Variants in TOP3A observed in about 807,000 individuals in gnomAD.
TOP3A encodes DNA topoisomerase 3-alpha.
In TOP3A, 64 loss-of-function variants were observed where a neutral mutation model predicts 111.3. The ratio of observed to expected loss-of-function variants is 0.57; its 90% CI spans 0.47 to 0.71. The LOEUF is 0.71. TOP3A is among the 30% of genes least tolerant of loss of function. The pLI is 0.00. For missense variants in TOP3A, 1,104 were observed against 1,285.0 expected, an observed-to-expected ratio of 0.86 and a Z score of 2.15; for synonymous variants, 484 against 485.1, an observed-to-expected ratio of 1.00 and a Z score of 0.03.
chr17:18,294,176 C>G (rs1980650576), intron 10 of TOP3A, among the ~76,000 whole-genome samples: 1 of 152,082 alleles, frequency 6.6e-6, no homozygotes, highest in African/African-American at 2.4e-5. Context: ...GCTGAGGAGT[C>G]AAAAGTAAGA....
chr17:18,287,041 C>T (rs1381395876), intron 13 of TOP3A, among the ~76,000 whole-genome samples: 2 of 152,034 alleles, frequency 1.3e-5, no homozygotes. Context: ...ACCTTGGCCT[C>T]CCAAAGTGCT....
chr17:18,279,888 C>T (rs909126772), intron 17 of TOP3A, among the ~76,000 whole-genome samples: 1 of 152,130 alleles, frequency 6.6e-6, no homozygotes, highest in African/African-American at 2.4e-5. Flanking sequence ...CAGTGGCTCA[C>T]ATCTATAATC....
At chr17:18,296,103 G>A (rs1413086957) in intron 9 of TOP3A, among the ~76,000 whole-genome samples, 1 of 152,142 alleles carries the variant, frequency 6.6e-6, no homozygotes, top group African/African-American at 2.4e-5. Flanking sequence ...CTAATACACT[G>A]CTTTAACACA....
chr17:18,280,424 C>T, intron 17 of TOP3A, 112 bp downstream of exon 17: 3 of 1,278,022 alleles, frequency 2.3e-6, no homozygotes, highest in Non-Finnish European at 2.2e-6. Flanking sequence ...CAGCTACGCC[C>T]CTGCAGGGCC....
At chr17:18,305,026 C>G in intron 5 of TOP3A, 86 bp downstream of exon 5, 1 of 1,098,992 alleles carries the variant, frequency 9.1e-7, no homozygotes, top group Non-Finnish European at 1.4e-6. Context: ...AGGACCTCAT[C>G]CGTGGCCCAT....
chr17:18,298,335 AG>A (rs1980984214), intron 9 of TOP3A, among the ~76,000 whole-genome samples: 1 of 127,438 alleles, frequency 7.8e-6, no homozygotes, highest in African/African-American at 3.4e-5. Context: ...GGGAGGTGGG[AG>A]GGTCAGCCCC....
chr17:18,277,796 G>A lies in TOP3A; in HGVS notation c.2706C>T (p.Pro902=), dbSNP rs1368640966. 1 of 1,614,206 alleles carries A rather than the reference G, an allele frequency of 6.2e-7. No homozygotes were observed. The highest frequency in any genetic ancestry group is 8.5e-7 in the Non-Finnish European group (1 of 1,180,046). Residue 902 remains proline, a synonymous_variant, in exon 18 of 19, where the codon CCC becomes CCT. Transcript: ENST00000321105. ...GSGTSCLCSQ[P]SVTRTVQKDG... The stretch of plus-strand genomic sequence containing the variant: ...CCTTCTGCACAGTCCGTGTGACGGA[G>A]GGCTGGCTGCAAAGGCAGGATGTGC...
At position 18,276,823 on chromosome 17, in the gene TOP3A, A is replaced by G. The variant is rs1248289436; in HGVS notation, c.2827+852T>C. ...ACTTCTCATGACACCCAGTTCCCGGACATTGGCCCAAGCTGTGTCACCCTG... is the reference window on the plus strand; with the variant it reads ...ACTTCTCATGACACCCAGTTCCCGGGCATTGGCCCAAGCTGTGTCACCCTG... On this transcript the variant is annotated intron_variant, in intron 18 of 18. Transcript: ENST00000321105. Among the ~76,000 whole-genome samples, 3 of 152,160 alleles carry G rather than the reference A, an allele frequency of 2.0e-5. No homozygotes were observed. In the East Asian group the frequency reaches 5.8e-4, roughly 29 times the overall value.
chr17:18,301,840 T>C (rs1440876262), intron 8 of TOP3A, 45 bp downstream of exon 8: 5 of 1,514,668 alleles, frequency 3.3e-6, no homozygotes, highest in Middle Eastern at 3.4e-4. Flanking sequence ...TGGGAGTGGT[T>C]TGGGAGGTGT....
intron 4 of TOP3A, 59 bp from the exon 5 acceptor site, chr17:18,305,279 A>G (rs1051030020): frequency 4.7e-5 from 64 of 1,373,510 alleles, no homozygotes; most frequent in Non-Finnish European, 6.0e-5. Context: ...GTGACTTGAC[A>G]TCTCTAAGCT....
intron 12 of TOP3A, 44 bp downstream of exon 12, chr17:18,290,798 C>G: frequency 6.2e-7 from 1 of 1,604,676 alleles, no homozygotes; most frequent in Non-Finnish European, 8.5e-7. Flanking sequence ...TCAGGGCTCA[C>G]AACACAACTG....
intron 1 of TOP3A, among the ~76,000 whole-genome samples, chr17:18,313,764 CT>C (rs1248772671): frequency 3.9e-5 from 6 of 152,162 alleles, no homozygotes; most frequent in African/African-American, 1.4e-4. Flanking sequence ...TCACACAACC[CT>C]GGCTCCACTC....
intron 18 of TOP3A, 28 bp downstream of exon 18, chr17:18,277,647 G>A (rs1457887038): frequency 5.7e-6 from 9 of 1,583,006 alleles, no homozygotes; most frequent in Non-Finnish European, 7.8e-6. Context: ...ACTGAAGGCA[G>A]GGATTCCCAT....
Position 18,308,932 on chromosome 17 carries a change from G to A in TOP3A, c.190C>T (p.Leu64Phe). 6.5e-7 allele frequency: 1 copy of A among 1,544,092 alleles called. No homozygotes were observed. Among genetic ancestry groups the A allele is most frequent in the Non-Finnish European group, 8.8e-7 (1 of 1,134,318 alleles). Residue 64 changes from leucine (L) to phenylalanine (F), a missense_variant, in exon 2 of 19, where the codon CTT (leucine) becomes TTT (phenylalanine). Leu to Phe is a conservative substitution (Grantham distance 22, BLOSUM62 0). Coordinates refer to ENST00000321105, the MANE Select transcript of TOP3A (RefSeq NM_004618.5). ...TCATAGATCTTGTTGAATTTTGAAAGTCCTTCTCTCTATAAAACAAAAATA... is the reference window on the plus strand; with the variant it reads ...TCATAGATCTTGTTGAATTTTGAAAATCCTTCTCTCTATAAAACAAAAATA... Reference protein sequence around the residue: ...SNGRMRRREGLSKFNKIYEFD... With the variant: ...SNGRMRRREGFSKFNKIYEFD...
chr17:18,273,711 CCTCAAA>C lies in TOP3A; in HGVS notation c.*1085_*1090del, dbSNP rs1403563820. ...GTGGTGTGATCATGGCTTGCTGCAG[CCTCAAA>C]CTCTTGGGTTCAAAGGATCCTCCCA... On this transcript the variant is annotated 3_prime_UTR_variant, in exon 19 of 19. Coordinates refer to ENST00000321105, the MANE Select transcript of TOP3A (RefSeq NM_004618.5). Among the ~76,000 whole-genome samples, 1 of 152,176 alleles carries C rather than the reference CCTCAAA, an allele frequency of 6.6e-6. No homozygotes were observed. The highest frequency in any genetic ancestry group is 1.5e-5 in the Non-Finnish European group (1 of 68,028).
intron 10 of TOP3A, among the ~76,000 whole-genome samples, chr17:18,294,272 C>T (rs757319477): frequency 3.6e-4 from 55 of 152,148 alleles, no homozygotes; most frequent in Non-Finnish European, 5.9e-5. Context: ...TACCTCAGAG[C>T]TTGGGTGCTA....
chr17:18,276,216 G>A (rs1002917164), intron 18 of TOP3A, among the ~76,000 whole-genome samples: 4 of 152,152 alleles, frequency 2.6e-5, no homozygotes, highest in Non-Finnish European at 5.9e-5. Context: ...GCCTATGACC[G>A]GCAACCTGCG....
chr17:18,279,823 C>T (rs1192663156), intron 17 of TOP3A, among the ~76,000 whole-genome samples: 1 of 152,182 alleles, frequency 6.6e-6, no homozygotes. Flanking sequence ...ACCAGCTTGG[C>T]CTATAGGCAT....
intron 17 of TOP3A, chr17:18,280,149 A>G (rs78068867): frequency 6.9e-6 from 1 of 144,724 alleles, no homozygotes; most frequent in Non-Finnish European, 1.5e-5. Context: ...AGACTGTCTT[A>G]AAAAAAATTT....
Sources: allele counts gnomAD v4.1 joint callset (sites outside exome capture counted in the v4.1 genomes callset), GRCh38; gene constraint gnomAD v4.1.1; transcripts MANE v1.5; gene names NCBI Gene and HGNC (gene_info 2026-07-23, HGNC 2026-07-21).